The following PSME3IP1 variants were observed in gnomAD, a reference collection of about 807,000 sequenced individuals.
PSME3IP1 encodes the protein PSME3-interacting protein.
A neutral mutation model predicts 34.1 loss-of-function variants in PSME3IP1; 13 were observed. The ratio of observed to expected loss-of-function variants is 0.38; its 90% confidence interval spans 0.25 to 0.61. The LOEUF (loss-of-function observed/expected upper bound fraction) is 0.61. PSME3IP1 is among the 20% of genes least tolerant of loss of function. The pLI is 0.60. For missense variants in PSME3IP1, 237 were observed against 301.4 expected, an observed-to-expected ratio of 0.79 and a Z score of 1.58; for synonymous variants, 93 against 114.3, an observed-to-expected ratio of 0.81 and a Z score of 1.19.
intron 4 of PSME3IP1, among the ~76,000 whole-genome samples, chr16:57,169,982 C>CA (rs1490167896): frequency 6.6e-6 from 1 of 151,476 alleles, no homozygotes; most frequent in Non-Finnish European, 1.5e-5. Flanking sequence ...ATGCCAGTAA[C>CA]AGAACTGGGA....
intron 5 of PSME3IP1, among the ~76,000 whole-genome samples, chr16:57,165,309 T>C (rs1285950894): frequency 6.6e-6 from 1 of 152,076 alleles, no homozygotes; most frequent in African/African-American, 2.4e-5. Context: ...GAAATCATAA[T>C]GGATATTTTA....
chr16:57,158,111 G>C (rs539178156), intron 6 of PSME3IP1, among the ~76,000 whole-genome samples: 9 of 152,196 alleles, frequency 5.9e-5, no homozygotes, highest in Admixed American at 4.6e-4. Flanking sequence ...GTGTCAGACA[G>C]TTTACAGTTT....
chr16:57,163,937 A>G (rs4783980), intron 6 of PSME3IP1, 64 bp downstream of exon 6: 61,252 of 1,456,296 alleles, frequency 0.042, 3,206 homozygotes, highest in East Asian at 0.23. Flanking sequence ...GCAATGCATT[A>G]CAGCCCTTTA....
intron 4 of PSME3IP1, among the ~76,000 whole-genome samples, chr16:57,171,073 C>A (rs1449283308): frequency 6.8e-6 from 1 of 148,020 alleles, no homozygotes; most frequent in Non-Finnish European, 1.5e-5. Context: ...AACTCCATCT[C>A]AAAAAAAAAA....
chr16:57,177,026 T>A (rs1181854654), intron 1 of PSME3IP1, among the ~76,000 whole-genome samples: 1 of 152,150 alleles, frequency 6.6e-6, no homozygotes, highest in Non-Finnish European at 1.5e-5. Flanking sequence ...GGCTAATTTT[T>A]GTATTTTTAG....
rs3764259 is a variant in PSME3IP1, at chr16:57,182,965, T to C, written c.-16+2856A>G. On this transcript the variant is annotated intron_variant, in intron 1 of 6. Coordinates refer to ENST00000309137, the MANE Select transcript of PSME3IP1 (RefSeq NM_024946.4). Reference sequence around the variant, plus strand: ...TACCGAGAACCTATTATGTGCAAGATACAATGCTATGTACTAAACAGGCAA... The same window carrying C: ...TACCGAGAACCTATTATGTGCAAGACACAATGCTATGTACTAAACAGGCAA... Among the ~76,000 whole-genome samples, 93 of 152,196 alleles carry C rather than the reference T, an allele frequency of 6.1e-4. No individual in the cohort carries two copies. The East Asian group carries it at 0.016, about 27-fold the overall frequency.
intron 5 of PSME3IP1, among the ~76,000 whole-genome samples, 186 bp downstream of exon 5, chr16:57,166,907 G>A (rs2071941958): frequency 6.6e-6 from 1 of 152,216 alleles, no homozygotes; most frequent in Non-Finnish European, 1.5e-5. Context: ...TTGAATAAGT[G>A]ATCAGAGAGA....
At chr16:57,171,549 T>C (rs1311042150) in intron 4 of PSME3IP1, among the ~76,000 whole-genome samples, 1 of 152,064 alleles carries the variant, frequency 6.6e-6, no homozygotes, top group African/African-American at 2.4e-5. Context: ...GAGAAGAAAG[T>C]CTACTACTAC....
At position 57,163,982 on chromosome 16, in the gene PSME3IP1, A is replaced by C; in HGVS notation, c.547+19T>G. ...ATGTGTATTCTGAGTACAAGGAAGT[A>C]ATGAAGGCTGCCACCCACCTTGATT... On this transcript the variant is annotated intron_variant, in intron 6 of 6. Coordinates refer to ENST00000309137, the MANE Select transcript of PSME3IP1 (RefSeq NM_024946.4). The C allele has an allele frequency of 6.2e-7, 1 of 1,612,934 alleles. No individual in the cohort carries two copies. Among genetic ancestry groups the C allele is most frequent in the Non-Finnish European group, 8.5e-7 (1 of 1,178,894 alleles).
chr16:57,155,982 C>CACAA (rs1165780534), intron 6 of PSME3IP1, among the ~76,000 whole-genome samples: 6 of 151,730 alleles, frequency 4.0e-5, no homozygotes, highest in African/African-American at 1.5e-4. Context: ...AAAACAAACA[C>CACAA]ACAAACAAAC....
intron 4 of PSME3IP1, among the ~76,000 whole-genome samples, chr16:57,167,595 T>C (rs944577066): frequency 6.6e-6 from 1 of 152,164 alleles, no homozygotes; most frequent in East Asian, 1.9e-4. Context: ...AAAACATGCT[T>C]CCCCCTTCAA....
rs1262361917 is a variant in PSME3IP1, at chr16:57,185,725, C to G, written c.-16+96G>C. Reference sequence around the variant, plus strand: ...GCGGGTGCGCGGACTGAGAACAGGCCTGGCCCTAACCCTAACAGCAGCCGC... The same window carrying G: ...GCGGGTGCGCGGACTGAGAACAGGCGTGGCCCTAACCCTAACAGCAGCCGC... On this transcript the variant is annotated intron_variant, in intron 1 of 6. Transcript: ENST00000309137. The G allele has an allele frequency of 7.1e-6, 7 of 985,432 alleles. No individual in the cohort carries two copies. The South Asian group carries it at 3.3e-4, about 46-fold the overall frequency. The allele number at this position is 985,432 out of a possible 1,614,324, so 61.0% of individuals were successfully genotyped here.
chr16:57,185,715 G>A (rs1178674605), intron 1 of PSME3IP1, 106 bp downstream of exon 1: 27 of 985,486 alleles, frequency 2.7e-5, no homozygotes, highest in Non-Finnish European at 3.1e-5. Context: ...TGCGCGGACT[G>A]AGAACAGGCC....
rs367935621 is a variant in PSME3IP1, at chr16:57,181,778, G to T, written c.-16+4043C>A. ...AGGAACACTTTACTTACATATACTGGTTTATTATAAAAGCATATTACAAAG... is the reference window on the plus strand; with the variant it reads ...AGGAACACTTTACTTACATATACTGTTTTATTATAAAAGCATATTACAAAG... On this transcript the variant is annotated intron_variant, in intron 1 of 6. Coordinates refer to ENST00000309137, the MANE Select transcript of PSME3IP1 (RefSeq NM_024946.4). 3 of 152,160 alleles carry T rather than the reference G, an allele frequency of 2.0e-5. No individual in the cohort carries two copies. The East Asian group carries it at 5.8e-4, about 29-fold the overall frequency. The allele number at this position is 152,160 out of a possible 1,614,324, so 9.4% of individuals were successfully genotyped here. A position where few individuals can be genotyped will look rare whatever the true frequency, so the allele number is the denominator to read the frequency against.
In PSME3IP1 at chr16:57,154,605, C is replaced by T. The variant is rs1208594732; in HGVS notation, c.548-98G>A. On this transcript the variant is annotated intron_variant, in intron 6 of 6. Transcript: ENST00000309137. This position sits in a 1 kb window ranked among gnomAD's most constrained non-coding sequence, Gnocchi z 4.0. ...GGCACTGTACCAAGGGATTTTCCCA[C>T]AGAGGAGCCTTAGAACAATGCTATG... 9.7e-7 allele frequency: 1 copy of T among 1,027,106 alleles called. No homozygotes were observed. The highest frequency in any genetic ancestry group is 2.6e-5 in the East Asian group (1 of 38,078). The allele number at this position is 1,027,106 out of a possible 1,614,324, so 63.6% of individuals were successfully genotyped here.
In PSME3IP1 at chr16:57,178,720, A is replaced by T. The variant is rs187541227; in HGVS notation, c.-15-4851T>A. The T allele has an allele frequency of 2.5e-4, 244 of 982,538 alleles. 1 individual carries two copies. Among genetic ancestry groups the T allele is most frequent in the Non-Finnish European group, 2.8e-4 (235 of 827,280 alleles). The allele number at this position is 982,538 out of a possible 1,614,324, so 60.9% of individuals were successfully genotyped here. On this transcript the variant is annotated intron_variant, in intron 1 of 6. Coordinates refer to ENST00000309137, the MANE Select transcript of PSME3IP1 (RefSeq NM_024946.4). ...ATTAAATCTCTTTACTATATTATAT[A>T]ATTGATGTCATCTTTCAAAAATAAC...
intron 6 of PSME3IP1, among the ~76,000 whole-genome samples, chr16:57,157,482 C>CA (rs2070696959): frequency 6.6e-6 from 1 of 152,134 alleles, no homozygotes; most frequent in African/African-American, 2.4e-5. Flanking sequence ...AGATGCATGT[C>CA]AGTGTCTGAG....
intron 6 of PSME3IP1, among the ~76,000 whole-genome samples, chr16:57,155,815 CA>C (rs111780054): frequency 2.0e-5 from 3 of 150,156 alleles, no homozygotes; most frequent in African/African-American, 4.9e-5. Context: ...CAAAAAAAAA[CA>C]AAAAAACTAG....
intron 5 of PSME3IP1, 41 bp downstream of exon 5, chr16:57,167,052 A>C: frequency 1.2e-6 from 2 of 1,609,688 alleles, no homozygotes; most frequent in Non-Finnish European, 1.7e-6. Flanking sequence ...TTCAGAGTAC[A>C]CGGTCAGAGA....
Sources: allele counts gnomAD v4.1 joint callset (sites outside exome capture counted in the v4.1 genomes callset), GRCh38; gene constraint gnomAD v4.1.1; non-coding constraint Gnocchi (gnomAD v3.1); transcripts MANE v1.5; gene names NCBI Gene and HGNC (gene_info 2026-07-23, HGNC 2026-07-21).